Variants in PRH1 observed in about 807,000 individuals in gnomAD.
PRH1 encodes salivary acidic proline-rich phosphoprotein 1/2.
PRH1 carries 7 observed loss-of-function variants against 7.9 expected under a neutral mutation model. That is an observed-to-expected ratio of 0.89 (90% CI 0.50 to 1.67). PRH1 has a LOEUF of 1.67. PRH1 is among the 40% of genes most tolerant of loss of function. The pLI is 0.00. For synonymous variants in PRH1, 45 were observed against 80.8 expected (o/e 0.56, Z 2.38); for missense variants, 109 against 223.6 (o/e 0.49, Z 3.27).
At chr12:11,106,706 C>T (rs1945430230) in intron 1 of PRH1, among the ~76,000 whole-genome samples, 2 of 151,618 alleles carry the variant, frequency 1.3e-5, no homozygotes, top group South Asian at 2.1e-4. Context: ...TCCATTTTTA[C>T]AGTATAATTG....
chr12:10,956,526 C>G (rs1937968374), intron 2 of PRH1, among the ~76,000 whole-genome samples: 1 of 152,066 alleles, frequency 6.6e-6, no homozygotes, highest in Admixed American at 6.6e-5. Context: ...CAAGGGTGTC[C>G]TCTCTCACCA....
intron 1 of PRH1, among the ~76,000 whole-genome samples, chr12:10,984,413 T>G (rs969899560): frequency 6.6e-6 from 1 of 152,158 alleles, no homozygotes; most frequent in African/African-American, 2.4e-5. Context: ...AAATAAAAAT[T>G]TATGCAACTT....
chr12:11,111,282 C>T (rs1400909770), intron 1 of PRH1, among the ~76,000 whole-genome samples: 1 of 152,200 alleles, frequency 6.6e-6, no homozygotes, highest in Non-Finnish European at 1.5e-5. Flanking sequence ...GACTTGAACT[C>T]AGCTCTGGAC....
chr12:11,135,277 A>T (rs1946513904), intron 1 of PRH1, among the ~76,000 whole-genome samples: 1 of 152,180 alleles, frequency 6.6e-6, no homozygotes, highest in Non-Finnish European at 1.5e-5. Flanking sequence ...TTTGATGAAC[A>T]AAAAATTAAT....
chr12:11,070,201 A>G (rs1221636617), intron 1 of PRH1, among the ~76,000 whole-genome samples: 12 of 152,320 alleles, frequency 7.9e-5, no homozygotes, highest in Admixed American at 4.6e-4. Context: ...TAAAATTGGT[A>G]GTCAGCAGCT....
intron 1 of PRH1, chr12:11,171,197 T>A (rs1400310178): frequency 1.9e-5 from 8 of 416,366 alleles, no homozygotes; most frequent in Non-Finnish European, 3.3e-5. Context: ...CGCCCGGGGC[T>A]ACGCGCCGCA....
At chr12:10,953,402 T>C (rs924381565) in intron 2 of PRH1, among the ~76,000 whole-genome samples, 3 of 152,110 alleles carry the variant, frequency 2.0e-5, no homozygotes, top group Admixed American at 6.5e-5. Context: ...AAAATGGTCA[T>C]TTTAAGAAAA....
chr12:10,904,745 C>G (rs1949777941), intron 2 of PRH1, among the ~76,000 whole-genome samples: 1 of 152,054 alleles, frequency 6.6e-6, no homozygotes, highest in African/African-American at 2.4e-5. Context: ...AAACAGACAA[C>G]CTATAGAATG....
intron 1 of PRH1, among the ~76,000 whole-genome samples, chr12:10,975,852 C>T (rs1043946587): frequency 6.6e-6 from 1 of 151,946 alleles, no homozygotes; most frequent in African/African-American, 2.4e-5. Context: ...GTAAAAGACT[C>T]AATTCACGAG....
intron 2 of PRH1, among the ~76,000 whole-genome samples, chr12:10,951,566 C>A (rs902393780): frequency 4.6e-5 from 7 of 152,232 alleles, no homozygotes; most frequent in Non-Finnish European, 1.5e-5. Flanking sequence ...ATGTCACATG[C>A]AGGTTGAAAT....
At chr12:11,046,011 T>A (rs1942886346) in intron 1 of PRH1, among the ~76,000 whole-genome samples, 1 of 152,194 alleles carries the variant, frequency 6.6e-6, no homozygotes, top group African/African-American at 2.4e-5. Flanking sequence ...TGTATATGAC[T>A]ATAGAAAGTT....
At chr12:11,167,318 C>T (rs1947610021) in intron 1 of PRH1, among the ~76,000 whole-genome samples, 1 of 152,174 alleles carries the variant, frequency 6.6e-6, no homozygotes, top group East Asian at 1.9e-4. Context: ...TTAAACTACA[C>T]TCAACCTTTG....
At chr12:10,948,957 CTGTTGCT>C (rs143045333) in intron 2 of PRH1, among the ~76,000 whole-genome samples, 3,009 of 152,254 alleles carry the variant, frequency 0.02, 34 homozygotes, top group South Asian at 0.031. Flanking sequence ...AGTTGATAGA[CTGTTGCT>C]CAATTATATG....
intron 1 of PRH1, among the ~76,000 whole-genome samples, chr12:11,082,568 A>G (rs1480591611): frequency 8.7e-6 from 1 of 114,500 alleles, no homozygotes; most frequent in Non-Finnish European, 2.1e-5. Context: ...GGCCTCCTAG[A>G]GTGCTGGGAT....
At position 10,937,204 on chromosome 12, in the gene PRH1, T is replaced by TTCTC. The variant is rs61659284; in HGVS notation, c.-59+36447_-59+36450dup. ...TTTGCCTCTAAGGTTGCAATTTTATTTCTCTCTCTCTCTCTCTCTCTCTCT... is the reference window on the plus strand; with the variant it reads ...TTTGCCTCTAAGGTTGCAATTTTATTTCTCTCTCTCTCTCTCTCTCTCTCTCTCT... On this transcript the variant is annotated intron_variant, in intron 2 of 3. Transcript: ENST00000539853. Among the ~76,000 whole-genome samples the TTCTC allele has an allele frequency of 1.8e-4, 27 of 147,206 alleles. 1 individual carries two copies. Among genetic ancestry groups the TTCTC allele is most frequent in the East Asian group, 2.0e-4 (1 of 5,044 alleles).
chr12:11,144,998 T>C lies in PRH1; in HGVS notation n.40-23818A>G, dbSNP rs1410970887. On this transcript the variant is annotated intron_variant and non_coding_transcript_variant, in intron 1 of 1. Coordinates refer to the PRH1 transcript ENST00000541175. ...CTTCCTTCAGAGGATCTGTGGGTCCTCTTGGGATTACTGGTTTGTTCTTGC... is the reference window on the plus strand; with the variant it reads ...CTTCCTTCAGAGGATCTGTGGGTCCCCTTGGGATTACTGGTTTGTTCTTGC... Among the ~76,000 whole-genome samples, 4 of 152,192 alleles carry C rather than the reference T, an allele frequency of 2.6e-5. No individual in the cohort carries two copies. The East Asian group carries it at 7.7e-4, about 29-fold the overall frequency.
At chr12:11,028,880 T>C (rs1314590285) in intron 1 of PRH1, among the ~76,000 whole-genome samples, 1 of 152,132 alleles carries the variant, frequency 6.6e-6, no homozygotes, top group African/African-American at 2.4e-5. Flanking sequence ...GCCTGTAATC[T>C]TAACCTGAGA....
At chr12:11,149,551 A>T (rs1431425226) in intron 1 of PRH1, among the ~76,000 whole-genome samples, 134 of 149,888 alleles carry the variant, frequency 8.9e-4, no homozygotes, top group Non-Finnish European at 1.8e-3. Context: ...CAAACCTGAG[A>T]AAAACAAGCA....
intron 1 of PRH1, among the ~76,000 whole-genome samples, chr12:11,163,548 T>C (rs556722161): frequency 6.6e-6 from 1 of 152,330 alleles, no homozygotes; most frequent in African/African-American, 2.4e-5. Context: ...GAAACTATTA[T>C]ATGCGCTGAT....
Sources: allele counts gnomAD v4.1 joint callset (sites outside exome capture counted in the v4.1 genomes callset), GRCh38; gene constraint gnomAD v4.1.1; transcripts MANE v1.5; gene names NCBI Gene and HGNC (gene_info 2026-07-23, HGNC 2026-07-21).